RYR2: variants seen among roughly 807,000 people sequenced by gnomAD.
The protein encoded by RYR2 is ryanodine receptor 2.
In RYR2, 227 loss-of-function variants were observed where a neutral mutation model predicts 601.1. The ratio of observed to expected loss-of-function variants is 0.38; its 90% CI spans 0.34 to 0.42. The LOEUF is 0.42. Among genes scored for constraint, RYR2 ranks in the 10% least tolerant of loss-of-function variants. The pLI, the probability that RYR2 is intolerant of heterozygous loss-of-function variation, is 1.00. For missense variants in RYR2, 4,646 were observed against 6,156.5 expected (o/e 0.75, Z 8.21); for synonymous variants, 2,223 against 2,175.1 (o/e 1.02, Z -0.61).
At chr1:237,184,674 A>T (rs1572131891) in intron 1 of RYR2, among the ~76,000 whole-genome samples, 1 of 152,338 alleles carries the variant, frequency 6.6e-6, no homozygotes, top group Non-Finnish European at 1.5e-5. Context: ...TGGTGGACTT[A>T]TGAACGGTCT....
chr1:237,639,631 A>G (rs1052400083), intron 46 of RYR2, among the ~76,000 whole-genome samples: 25 of 152,222 alleles, frequency 1.6e-4, no homozygotes, highest in Non-Finnish European at 7.3e-5. Flanking sequence ...TAAAACCTAG[A>G]AAAGGTTTCA....
chr1:237,314,988 C>G (rs1694969526), intron 2 of RYR2, among the ~76,000 whole-genome samples: 1 of 152,056 alleles, frequency 6.6e-6, no homozygotes, highest in South Asian at 2.1e-4. Flanking sequence ...AGAATCAAAA[C>G]TAACAGAAAC....
intron 10 of RYR2, among the ~76,000 whole-genome samples, chr1:237,409,494 C>T (rs1704232254): frequency 6.6e-6 from 1 of 151,966 alleles, no homozygotes; most frequent in East Asian, 1.9e-4. Flanking sequence ...CTTATGTATA[C>T]AAAAGGAGAA....
chr1:237,062,278 C>T (rs1662976734), intron 1 of RYR2, among the ~76,000 whole-genome samples: 1 of 152,118 alleles, frequency 6.6e-6, no homozygotes, highest in African/African-American at 2.4e-5. Context: ...AGATGAGCTG[C>T]TGGAATTTTT....
chr1:237,797,163 C>T (rs887290353), intron 96 of RYR2, among the ~76,000 whole-genome samples: 1 of 152,006 alleles, frequency 6.6e-6, no homozygotes, highest in Non-Finnish European at 1.5e-5. Flanking sequence ...CAGAGTTGGA[C>T]ATAACTGAGC....
chr1:237,051,378 T>C (rs1661268042), intron 1 of RYR2, among the ~76,000 whole-genome samples: 1 of 140,204 alleles, frequency 7.1e-6, no homozygotes, highest in African/African-American at 2.6e-5. Context: ...TCGGGGCTCA[T>C]GAGTGAGTTA....
At chr1:237,052,937 C>T (rs955086708) in intron 1 of RYR2, among the ~76,000 whole-genome samples, 2 of 152,158 alleles carry the variant, frequency 1.3e-5, no homozygotes, top group African/African-American at 4.8e-5. Context: ...CAACCTCTGC[C>T]TCCCAGCTTC....
At chr1:237,116,475 T>G (rs926048429) in intron 1 of RYR2, among the ~76,000 whole-genome samples, 1 of 152,094 alleles carries the variant, frequency 6.6e-6, no homozygotes, top group East Asian at 1.9e-4. Context: ...CAGAAGCAAT[T>G]GAAACAGAAG....
intron 27 of RYR2, among the ~76,000 whole-genome samples, chr1:237,563,560 A>G (rs1440012470): frequency 6.6e-6 from 1 of 152,074 alleles, no homozygotes; most frequent in Non-Finnish European, 1.5e-5. Context: ...ATCAATGAGC[A>G]TAAGAATAGC....
chr1:237,628,132 TTATACC>T (rs1018518376), intron 41 of RYR2, 52 bp downstream of exon 41: 2 of 1,587,142 alleles, frequency 1.3e-6, no homozygotes, highest in Non-Finnish European at 1.7e-6. Flanking sequence ...TTTCTAATTG[TTATACC>T]TATAGAGCAG....
At chr1:237,447,569 A>G (rs1657523919) in intron 14 of RYR2, among the ~76,000 whole-genome samples, 1 of 152,136 alleles carries the variant, frequency 6.6e-6, no homozygotes, top group South Asian at 2.1e-4. Flanking sequence ...CCTATTAACT[A>G]TGAAAAGATT....
chr1:237,322,044 A>G (rs1406497669), intron 2 of RYR2, among the ~76,000 whole-genome samples: 1 of 152,206 alleles, frequency 6.6e-6, no homozygotes, highest in African/African-American at 2.4e-5. Context: ...TATTAATTTT[A>G]TAAGAACAGT....
Position 237,783,809 on chromosome 1 carries a change from AAAG to A in RYR2, c.12100_12102del (p.Glu4034del). 6.2e-7 allele frequency: 1 copy of A among 1,613,788 alleles called. No homozygotes were observed. The highest frequency in any genetic ancestry group is 8.5e-7 in the Non-Finnish European group (1 of 1,179,818). On this transcript the variant is annotated inframe_deletion, in exon 90 of 105. Coordinates refer to ENST00000366574, the MANE Select transcript of RYR2 (RefSeq NM_001035.3). ...GGATTTGACGTCGTCTGATACTTTT[AAAG>A]AATATGACCCCGATGGCAAGGGAGT...
intron 35 of RYR2, among the ~76,000 whole-genome samples, chr1:237,608,087 C>A (rs1304217262): frequency 1.3e-5 from 2 of 152,060 alleles, no homozygotes; most frequent in Non-Finnish European, 2.9e-5. Context: ...ATCAAGAAAT[C>A]AGTTGTAATT....
intron 79 of RYR2, among the ~76,000 whole-genome samples, chr1:237,734,638 T>C (rs1356366283): frequency 6.6e-6 from 1 of 152,210 alleles, no homozygotes; most frequent in East Asian, 1.9e-4. Context: ...CATTTACTCC[T>C]CTTGACAAGT....
intron 98 of RYR2, among the ~76,000 whole-genome samples, chr1:237,804,873 C>T (rs918760877): frequency 1.4e-4 from 21 of 152,138 alleles, no homozygotes; most frequent in African/African-American, 2.9e-4. Context: ...GGAGAGAAAG[C>T]GACTGGTTCT....
chr1:237,643,004 A>G (rs1681726585), intron 47 of RYR2, among the ~76,000 whole-genome samples: 1 of 152,184 alleles, frequency 6.6e-6, no homozygotes, highest in African/African-American at 2.4e-5. Flanking sequence ...TAATTTTGGA[A>G]AGTAAACTTT....
At chr1:237,439,266 T>C (rs1188375525) in intron 12 of RYR2, among the ~76,000 whole-genome samples, 2 of 152,190 alleles carry the variant, frequency 1.3e-5, no homozygotes, top group East Asian at 1.9e-4. Context: ...TGGCCTTTGG[T>C]CTTTCATTCA....
chr1:237,305,391 A>G (rs1346411874), intron 2 of RYR2, among the ~76,000 whole-genome samples: 1 of 152,200 alleles, frequency 6.6e-6, no homozygotes. Context: ...ACACTTTATA[A>G]TACATATTTT....
Sources: allele counts gnomAD v4.1 joint callset (sites outside exome capture counted in the v4.1 genomes callset), GRCh38; gene constraint gnomAD v4.1.1; transcripts MANE v1.5; gene names NCBI Gene and HGNC (gene_info 2026-07-23, HGNC 2026-07-21).